The following SFTPA1 variants were observed in gnomAD, a reference collection of about 807,000 sequenced individuals.
SFTPA1 encodes the protein pulmonary surfactant-associated protein A1.
In SFTPA1, 13 loss-of-function variants were observed where a neutral mutation model predicts 19.1. The observed-to-expected ratio is 0.68, with a 90% confidence interval of 0.44 to 1.08. The LOEUF is 1.08. Among genes scored for constraint, SFTPA1 ranks in the 50% least tolerant of loss-of-function variants. The probability of loss-of-function intolerance (pLI) is 0.00; values close to 1 mark genes in which losing one functional copy is unlikely to be tolerated. For missense variants in SFTPA1, 259 were observed against 316.4 expected, an observed-to-expected ratio of 0.82 and a Z score of 1.38; for synonymous variants, 101 against 117.0, an observed-to-expected ratio of 0.86 and a Z score of 0.88.
At chr10:79,613,334 C>T in intron 5 of SFTPA1, 68 bp downstream of exon 5, 1 of 1,604,222 alleles carries the variant, frequency 6.2e-7, no homozygotes, top group African/African-American at 1.3e-5. Flanking sequence ...TCAGCACCAG[C>T]TTCTAGAACA....
chr10:79,613,696 C>A, intron 5 of SFTPA1, 41 bp from the exon 6 acceptor site: 1 of 1,613,914 alleles, frequency 6.2e-7, no homozygotes, highest in South Asian at 1.1e-5. Context: ...GGCTTAGAGA[C>A]AAAGTGGTCA....
At position 79,612,415 on chromosome 10, in the gene SFTPA1, C is replaced by A. The variant is rs369292352; in HGVS notation, c.276C>A (p.Gly92=). The change falls in exon 4 of 6, where the codon GGC becomes GGA. Residue 92 remains glycine (G), a synonymous_variant. Transcript: ENST00000398636. Reference sequence around the variant, plus strand: ...AGTGTGGAGAGAAGGGGGAGCCTGGCGAGAGGGGCCCTCCAGGTGAGCAGG... The same window carrying A: ...AGTGTGGAGAGAAGGGGGAGCCTGGAGAGAGGGGCCCTCCAGGTGAGCAGG... The part of the protein sequence containing the change: ...PGECGEKGEP[G]ERGPPGLPAH... The A allele has an allele frequency of 4.3e-6, 7 of 1,612,656 alleles. No individual in the cohort carries two copies. The South Asian group carries it at 7.7e-5, about 18-fold the overall frequency.
chr10:79,613,377 C>G (rs972071553), intron 5 of SFTPA1, 111 bp downstream of exon 5: 112 of 1,515,174 alleles, frequency 7.4e-5, no homozygotes, highest in Middle Eastern at 1.8e-4. Context: ...ACATGCAGGT[C>G]TTGGGGAAAG....
In SFTPA1 at chr10:79,611,883, T is replaced by A. The variant is rs201722413; in HGVS notation, c.58T>A (p.Cys20Ser). The change falls in exon 3 of 6, where the codon TGC becomes AGC. Residue 20 changes from cysteine to serine, a missense_variant. By Grantham distance (112) the Cys-to-Ser change is moderately radical. Coordinates refer to ENST00000398636, the MANE Select transcript of SFTPA1 (RefSeq NM_005411.5). ...CTTGATGGCAGCCTCTGGTGCTGTG[T>A]GCGAAGTGAAGGACGTTTGTGTTGG... ...LILMAASGAV[C>S]EVKDVCVGSP... 6.2e-7 allele frequency: 1 copy of A among 1,613,990 alleles called. No homozygotes were observed. The highest frequency in any genetic ancestry group is 1.3e-5 in the African/African-American group (1 of 75,050).
intron 5 of SFTPA1, 146 bp downstream of exon 5, chr10:79,613,412 C>T: frequency 7.5e-7 from 1 of 1,335,006 alleles, no homozygotes; most frequent in Non-Finnish European, 1.1e-6. Context: ...TTTCTGATGT[C>T]TTTGAATGGC....
At chr10:79,613,675 G>A (rs982110188) in intron 5 of SFTPA1, 62 bp from the exon 6 acceptor site, 63 of 1,613,316 alleles carry the variant, frequency 3.9e-5, no homozygotes, top group Non-Finnish European at 4.8e-5. Flanking sequence ...GAGACCCCAG[G>A]TGAGGGAGGT....
Position 79,611,904 on chromosome 10 carries a change from G to T in SFTPA1, c.79G>T (p.Val27Phe). Residue 27 changes from valine (V) to phenylalanine (F), a missense_variant, in exon 3 of 6, where the codon GTT becomes TTT. By Grantham distance (50) the Val-to-Phe change is conservative. Coordinates refer to ENST00000398636, the MANE Select transcript of SFTPA1 (RefSeq NM_005411.5). ...GAVCEVKDVC[V>F]GSPGIPGTPG... is the part of the protein sequence containing the mutation. ...TGTGTGCGAAGTGAAGGACGTTTGTGTTGGAAGCCCTGGTATCCCCGGCAC... is the reference window on the plus strand; with the variant it reads ...TGTGTGCGAAGTGAAGGACGTTTGTTTTGGAAGCCCTGGTATCCCCGGCAC... 2 of 1,613,996 alleles carry T rather than the reference G, an allele frequency of 1.2e-6. No individual in the cohort carries two copies. Among genetic ancestry groups the T allele is most frequent in the Non-Finnish European group, 1.7e-6 (2 of 1,179,862 alleles).
chr10:79,611,607 G>A (rs143148279), intron 2 of SFTPA1, 196 bp from the exon 3 acceptor site: 107 of 1,549,384 alleles, frequency 6.9e-5, no homozygotes, highest in East Asian at 4.9e-4. Context: ...ACCTCCAGCC[G>A]GAGGCCTGAA....
At position 79,611,330 on chromosome 10, in the gene SFTPA1, C is replaced by G; in HGVS notation, c.-83C>G. 1.8e-5 allele frequency: 7 copies of G among 396,198 alleles called. No individual in the cohort carries two copies. The highest frequency in any genetic ancestry group is 4.5e-6 in the Non-Finnish European group (1 of 221,078). The allele number at this position is 396,198 out of a possible 1,614,324, so 24.5% of individuals were successfully genotyped here. On this transcript the variant is annotated 5_prime_UTR_variant, in exon 2 of 6. Coordinates refer to ENST00000398636, the MANE Select transcript of SFTPA1 (RefSeq NM_005411.5). ...TTTTTCATTCTCAGGTCGCTGATTT[C>G]TTGGAGCCTGAAAAGAAAGTAACAC...
chr10:79,611,660 C>T, intron 2 of SFTPA1, 143 bp from the exon 3 acceptor site: 1 of 1,562,976 alleles, frequency 6.4e-7, no homozygotes. Context: ...GGGAATTTTC[C>T]CGGGAGCTTC....
chr10:79,613,258 C>G lies in SFTPA1; in HGVS notation c.362C>G (p.Thr121Arg), dbSNP rs1206678057. 1.9e-6 allele frequency: 3 copies of G among 1,613,968 alleles called. No homozygotes were observed. The African/African-American group carries it at 4.0e-5, about 22-fold the overall frequency. Residue 121 changes from threonine (T) to arginine (R), a missense_variant, in exon 5 of 6, where the codon ACA becomes AGA. Thr to Arg is a moderately conservative substitution (Grantham distance 71, BLOSUM62 -1). Coordinates refer to ENST00000398636, the MANE Select transcript of SFTPA1 (RefSeq NM_005411.5). ...LHDFRHQILQ[T>R]RGALSLQGSI... ...GACTTTAGACATCAAATCCTGCAGA[C>G]AAGGGGAGGTAAGGGGACCCCCTGG...
rs943199249 is a variant in SFTPA1 at position 79,612,257 on chromosome 10, C to T, written c.173-55C>T. ...GATAATGGGCATCGAGTCTCACTAG[C>T]TCCAACCAGTTGTGGGTGACAGATC... On this transcript the variant is annotated intron_variant, in intron 3 of 5. Transcript: ENST00000398636. The T allele has an allele frequency of 3.1e-6, 5 of 1,613,534 alleles. No individual in the cohort carries two copies. The African/African-American group carries it at 4.0e-5, about 13-fold the overall frequency.
rs1034814642 is a variant in SFTPA1, at chr10:79,612,819, T to A, written c.293-370T>A. ...AGGAGCCCCACAGACAGAGGGGAAC[T>A]TTGAAGCTCAGAGCGGTAAGCAAGT... On this transcript the variant is annotated intron_variant, in intron 4 of 5. Transcript: ENST00000398636. Among the ~76,000 whole-genome samples, 3 of 151,960 alleles carry A rather than the reference T, an allele frequency of 2.0e-5. No individual in the cohort carries two copies. In the East Asian group the frequency reaches 5.8e-4, roughly 29 times the overall value.
At chr10:79,613,366 C>T in intron 5 of SFTPA1, 100 bp downstream of exon 5, 1 of 1,543,132 alleles carries the variant, frequency 6.5e-7, no homozygotes, top group Non-Finnish European at 9.0e-7. Context: ...AATAGGCATG[C>T]ACATGCAGGT....
At position 79,614,191 on chromosome 10, in the gene SFTPA1, G is replaced by C; in HGVS notation, c.*78G>C. On this transcript the variant is annotated 3_prime_UTR_variant, in exon 6 of 6. Transcript: ENST00000398636. Reference sequence around the variant, plus strand: ...TCCTGAGGCTCCACTTGGTCTGTGAGATGCTAGAACTCCCTTTCAACAGAA... The same window carrying C: ...TCCTGAGGCTCCACTTGGTCTGTGACATGCTAGAACTCCCTTTCAACAGAA... 1 of 1,611,590 alleles carries C rather than the reference G, an allele frequency of 6.2e-7. No individual in the cohort carries two copies. The highest frequency in any genetic ancestry group is 8.5e-7 in the Non-Finnish European group (1 of 1,178,384).
In SFTPA1 at chr10:79,614,836, G is replaced by C. The variant is rs4253603; in HGVS notation, c.*723G>C. 2.0e-6 allele frequency: 1 copy of C among 495,666 alleles called. No homozygotes were observed. The highest frequency in any genetic ancestry group is 2.0e-5 in the African/African-American group (1 of 49,118). The allele number at this position is 495,666 out of a possible 1,614,324, so 30.7% of individuals were successfully genotyped here. A position where few individuals can be genotyped will look rare whatever the true frequency, so the allele number is the denominator to read the frequency against. Reference sequence around the variant, plus strand: ...AGAGCCGCCTTCAGATGTGACCCGAGTAACTTTCAACTGATGAACAAATCT... The same window carrying C: ...AGAGCCGCCTTCAGATGTGACCCGACTAACTTTCAACTGATGAACAAATCT... On this transcript the variant is annotated 3_prime_UTR_variant, in exon 6 of 6. Coordinates refer to ENST00000398636, the MANE Select transcript of SFTPA1 (RefSeq NM_005411.5).
Position 79,614,766 on chromosome 10 carries a change from GC to G in SFTPA1, c.*658del. ...CTTTGAGTCTTTGAATGGCAACTCA[GC>G]CCCCTGACCTGAAGACAGCCAGCCT... On this transcript the variant is annotated 3_prime_UTR_variant, in exon 6 of 6. Coordinates refer to ENST00000398636, the MANE Select transcript of SFTPA1 (RefSeq NM_005411.5). The G allele has an allele frequency of 3.0e-6, 1 of 336,518 alleles. No homozygotes were observed. The highest frequency in any genetic ancestry group is 6.1e-6 in the Non-Finnish European group (1 of 164,670). 20.8% of individuals were successfully genotyped at this position (336,518 alleles called of 1,614,324 possible).
At position 79,612,430 on chromosome 10, in the gene SFTPA1, A is replaced by G. The variant is rs1173839174; in HGVS notation, c.291A>G (p.Pro97=). The G allele has an allele frequency of 3.7e-6, 6 of 1,613,172 alleles. No individual in the cohort carries two copies. In the African/African-American group the frequency reaches 6.7e-5, roughly 18 times the overall value. The part of the protein sequence containing the change: ...EKGEPGERGP[P]GLPAHLDEEL... Reference sequence around the variant, plus strand: ...GGGAGCCTGGCGAGAGGGGCCCTCCAGGTGAGCAGGGTGGGGCAGGTGGGC... The same window carrying G: ...GGGAGCCTGGCGAGAGGGGCCCTCCGGGTGAGCAGGGTGGGGCAGGTGGGC... Residue 97 remains proline, a splice_region_variant and synonymous_variant, in exon 4 of 6, where the codon CCA becomes CCG. Coordinates refer to ENST00000398636, the MANE Select transcript of SFTPA1 (RefSeq NM_005411.5).
At position 79,615,028 on chromosome 10, in the gene SFTPA1, T is replaced by G; in HGVS notation, c.*915T>G. 1 of 1,305,248 alleles carries G rather than the reference T, an allele frequency of 7.7e-7. No individual in the cohort carries two copies. Among genetic ancestry groups the G allele is most frequent in the Non-Finnish European group, 1.0e-6 (1 of 988,914 alleles). 80.9% of individuals were successfully genotyped at this position (1,305,248 alleles called of 1,614,324 possible). On this transcript the variant is annotated 3_prime_UTR_variant, in exon 6 of 6. Transcript: ENST00000398636. ...AAGGTAATCAGTGACAGTTGAAGAT[T>G]TTTTTTTCCCAGAGCTTATGTCTTC...
Sources: allele counts gnomAD v4.1 joint callset (sites outside exome capture counted in the v4.1 genomes callset), GRCh38; gene constraint gnomAD v4.1.1; transcripts MANE v1.5; gene names NCBI Gene and HGNC (gene_info 2026-07-23, HGNC 2026-07-21).